ABCD3: variants seen among roughly 807,000 people sequenced by gnomAD.
ABCD3 encodes ATP-binding cassette sub-family D member 3.
A neutral mutation model predicts 105.5 loss-of-function variants in ABCD3; 41 were observed. That is an observed-to-expected ratio of 0.39 (90% confidence interval 0.30 to 0.50). ABCD3 has a LOEUF of 0.50. ABCD3 is among the 20% of genes least tolerant of loss of function. The pLI is 0.84. For missense variants in ABCD3, 622 were observed against 806.3 expected (o/e 0.77, Z 2.77); for synonymous variants, 258 against 269.0 (o/e 0.96, Z 0.40).
At chr1:94,474,910 G>A (rs184858284) in intron 5 of ABCD3, among the ~76,000 whole-genome samples, 28 of 152,064 alleles carry the variant, frequency 1.8e-4, no homozygotes, top group African/African-American at 5.5e-4. Flanking sequence ...AAGGTATGTC[G>A]CGTAATTAGT....
chr1:94,456,641 T>G (rs1335695462), intron 1 of ABCD3, among the ~76,000 whole-genome samples: 1 of 151,916 alleles, frequency 6.6e-6, no homozygotes, highest in Non-Finnish European at 1.5e-5. Flanking sequence ...CTTTATCCAT[T>G]GATCTCTCGA....
chr1:94,457,962 C>T (rs570970227), intron 1 of ABCD3, among the ~76,000 whole-genome samples: 5 of 152,184 alleles, frequency 3.3e-5, no homozygotes, highest in African/African-American at 9.6e-5. Context: ...AAATTTAAAA[C>T]GTGATCAATG....
chr1:94,461,248 T>C (rs1170659003), intron 2 of ABCD3, among the ~76,000 whole-genome samples: 1 of 152,106 alleles, frequency 6.6e-6, no homozygotes, highest in African/African-American at 2.4e-5. Flanking sequence ...GGAAAGCAAC[T>C]TAACGTATTT....
intron 4 of ABCD3, among the ~76,000 whole-genome samples, chr1:94,473,090 A>G (rs1648563951): frequency 6.6e-6 from 1 of 152,186 alleles, no homozygotes; most frequent in African/African-American, 2.4e-5. Flanking sequence ...GTGTTGAGGA[A>G]CATGAAGCTT....
intron 4 of ABCD3, among the ~76,000 whole-genome samples, chr1:94,468,999 A>G (rs1278638937): frequency 1.3e-5 from 2 of 152,168 alleles, no homozygotes; most frequent in Admixed American, 6.5e-5. Flanking sequence ...GTGCCTTTTA[A>G]TTTTAATCAA....
At chr1:94,423,984 G>A (rs1659369811) in intron 1 of ABCD3, among the ~76,000 whole-genome samples, 1 of 152,146 alleles carries the variant, frequency 6.6e-6, no homozygotes, top group African/African-American at 2.4e-5. Context: ...ATCATGTGAG[G>A]GGCTAGAGCG....
chr1:94,463,154 CAGT>C (rs1384954769), intron 2 of ABCD3, among the ~76,000 whole-genome samples: 1 of 152,136 alleles, frequency 6.6e-6, no homozygotes, highest in Non-Finnish European at 1.5e-5. Flanking sequence ...GCCTGTAACT[CAGT>C]AGGATGAGGT....
the ABCD3 span, among the ~76,000 whole-genome samples, chr1:94,394,645 A>G: frequency 1.3e-5 from 2 of 152,176 alleles, no homozygotes; most frequent in Non-Finnish European, 2.9e-5. Context: ...GCTGACAAGG[A>G]ATGTTCAGGG....
chr1:94,445,549 T>C (rs544933323), intron 1 of ABCD3, among the ~76,000 whole-genome samples: 11 of 152,282 alleles, frequency 7.2e-5, no homozygotes, highest in African/African-American at 2.2e-4. Flanking sequence ...GTTTGCCACC[T>C]AAAGTAAAAA....
chr1:94,464,938 G>T (rs1191599948), intron 3 of ABCD3, 65 bp downstream of exon 3: 5 of 1,309,848 alleles, frequency 3.8e-6, no homozygotes, highest in Non-Finnish European at 5.5e-6. Flanking sequence ...ACCTGAGGCT[G>T]GGTAATTTAT....
chr1:94,483,422 A>G (rs1649121956), intron 10 of ABCD3, among the ~76,000 whole-genome samples, 183 bp downstream of exon 10: 1 of 152,204 alleles, frequency 6.6e-6, no homozygotes. Flanking sequence ...AAAATATGAG[A>G]TTAAAAACTA....
At chr1:94,399,018 G>A in the ABCD3 span, among the ~76,000 whole-genome samples, 3 of 151,950 alleles carry the variant, frequency 2.0e-5, no homozygotes, top group Non-Finnish European at 4.4e-5. Context: ...CTTGGATATA[G>A]TACATTTCAC....
intron 1 of ABCD3, among the ~76,000 whole-genome samples, chr1:94,446,065 G>A (rs190687346): frequency 2.1e-4 from 32 of 152,274 alleles, no homozygotes; most frequent in African/African-American, 5.1e-4. Context: ...AAAAATCAGC[G>A]AATCAGGCTG....
chr1:94,404,485 T>C, the ABCD3 span, among the ~76,000 whole-genome samples: 1 of 152,170 alleles, frequency 6.6e-6, no homozygotes, highest in Non-Finnish European at 1.5e-5. Flanking sequence ...ATCAGTTTCA[T>C]TTGTTGTGGT....
At chr1:94,496,036 G>T (rs933922490) in intron 16 of ABCD3, among the ~76,000 whole-genome samples, 1 of 152,132 alleles carries the variant, frequency 6.6e-6, no homozygotes, top group Non-Finnish European at 1.5e-5. Flanking sequence ...TTTTCTTTTA[G>T]ATCAACTATG....
intron 1 of ABCD3, among the ~76,000 whole-genome samples, chr1:94,441,755 A>G (rs987467643): frequency 3.3e-5 from 5 of 152,210 alleles, no homozygotes; most frequent in South Asian, 2.1e-4. Context: ...GCTATCTTTT[A>G]TGTAAGAAAG....
chr1:94,426,848 ATT>A (rs67942477), intron 1 of ABCD3, among the ~76,000 whole-genome samples: 54,211 of 131,730 alleles, frequency 0.41, 11,394 homozygotes, highest in Middle Eastern at 0.55. Context: ...CCCAGCCTGA[ATT>A]TTTTTTTTTT....
At chr1:94,428,416 G>A (rs1158402723) in intron 1 of ABCD3, among the ~76,000 whole-genome samples, 1 of 151,630 alleles carries the variant, frequency 6.6e-6, no homozygotes, top group African/African-American at 2.4e-5. Context: ...ACTGCTCTAG[G>A]TAAATAATAA....
At chr1:94,471,381 G>A (rs1557677017) in intron 4 of ABCD3, among the ~76,000 whole-genome samples, 1 of 151,478 alleles carries the variant, frequency 6.6e-6, no homozygotes, top group African/African-American at 2.4e-5. Context: ...AACACAGTGA[G>A]ACTTCGTCTT....
Sources: allele counts gnomAD v4.1 joint callset (sites outside exome capture counted in the v4.1 genomes callset), GRCh38; gene constraint gnomAD v4.1.1; transcripts MANE v1.5; gene names NCBI Gene and HGNC (gene_info 2026-07-23, HGNC 2026-07-21).